The following ICA1 variants were observed in gnomAD, a reference collection of about 807,000 sequenced individuals.
The protein encoded by ICA1 is 69 kDa islet cell autoantigen.
ICA1 carries 40 observed loss-of-function variants against 71.0 expected under a neutral mutation model. The observed-to-expected ratio is 0.56, with a 90% CI of 0.44 to 0.73. ICA1 has a LOEUF of 0.73. ICA1 is among the 30% of genes least tolerant of loss of function. The pLI is 0.00. For missense variants in ICA1, 578 were observed against 576.5 expected (o/e 1.00, Z -0.03); for synonymous variants, 207 against 209.5 (o/e 0.99, Z 0.10).
intron 8 of ICA1, chr7:8,156,636 T>A (rs1355231323): frequency 2.0e-6 from 1 of 497,216 alleles, no homozygotes; most frequent in African/African-American, 2.0e-5. Context: ...AATTCAATTT[T>A]ATGTTGGATA....
rs534964144 is a variant in ICA1, at chr7:8,119,117, G to A, written c.1331-5073C>T. Among the ~76,000 whole-genome samples the A allele has an allele frequency of 2.0e-5, 3 of 152,224 alleles. No individual in the cohort carries two copies. The South Asian group carries it at 6.2e-4, about 32-fold the overall frequency. On this transcript the variant is annotated intron_variant, in intron 13 of 13. Coordinates refer to ENST00000402384, the MANE Select transcript of ICA1 (RefSeq NM_001136020.3). Reference sequence around the variant, plus strand: ...GAGAGGTTCTCCTAAGAATCAGAGGGGCCCACTTCAGGACCCCACACTCCC... The same window carrying A: ...GAGAGGTTCTCCTAAGAATCAGAGGAGCCCACTTCAGGACCCCACACTCCC...
chr7:8,197,195 G>A (rs958050271), intron 6 of ICA1, among the ~76,000 whole-genome samples: 2 of 151,706 alleles, frequency 1.3e-5, no homozygotes, highest in East Asian at 1.9e-4. Flanking sequence ...TGGTAAAGAT[G>A]AGAAAAGATA....
At chr7:8,244,672 T>C (rs190923885) in intron 1 of ICA1, among the ~76,000 whole-genome samples, 1 of 152,266 alleles carries the variant, frequency 6.6e-6, no homozygotes, top group African/African-American at 2.4e-5. Context: ...GATAAAGGGA[T>C]AATATCCAGA....
At chr7:8,126,527 T>C (rs1712362872) in intron 13 of ICA1, among the ~76,000 whole-genome samples, 1 of 152,022 alleles carries the variant, frequency 6.6e-6, no homozygotes, top group African/African-American at 2.4e-5. Flanking sequence ...AAAGGAGTCA[T>C]GTATTTCATT....
At chr7:8,237,384 TTCTTC>T (rs1802184342) in intron 1 of ICA1, among the ~76,000 whole-genome samples, 1 of 152,186 alleles carries the variant, frequency 6.6e-6, no homozygotes, top group African/African-American at 2.4e-5. Flanking sequence ...AATTATCATA[TTCTTC>T]TCTTGAGTTC....
intron 13 of ICA1, among the ~76,000 whole-genome samples, chr7:8,124,370 C>T (rs185142243): frequency 0.012 from 1,831 of 151,530 alleles, 34 homozygotes; most frequent in African/African-American, 0.04. Context: ...CCGCCCACCT[C>T]GGCCTCCCAA....
At chr7:8,210,665 A>T (rs1793416318) in intron 6 of ICA1, among the ~76,000 whole-genome samples, 1 of 151,740 alleles carries the variant, frequency 6.6e-6, no homozygotes, top group South Asian at 2.1e-4. Flanking sequence ...AAAATCCCTG[A>T]ACACAAAGGT....
At chr7:8,141,193 T>C (rs1795111265) in intron 10 of ICA1, among the ~76,000 whole-genome samples, 1 of 152,222 alleles carries the variant, frequency 6.6e-6, no homozygotes, top group African/African-American at 2.4e-5. Context: ...AAATAGCTGA[T>C]GAGCCTGCAC....
chr7:8,241,643 C>T (rs1479387293), intron 1 of ICA1, among the ~76,000 whole-genome samples: 1 of 152,118 alleles, frequency 6.6e-6, no homozygotes, highest in Non-Finnish European at 1.5e-5. Context: ...AGTCAAGACC[C>T]ATCAGTGTGC....
At chr7:8,196,157 T>C (rs1346056292) in intron 6 of ICA1, among the ~76,000 whole-genome samples, 1 of 152,090 alleles carries the variant, frequency 6.6e-6, no homozygotes. Context: ...ATCCAGACAA[T>C]GAAATATTAT....
At chr7:8,207,339 C>T (rs1203004678) in intron 6 of ICA1, among the ~76,000 whole-genome samples, 1 of 152,162 alleles carries the variant, frequency 6.6e-6, no homozygotes, top group Non-Finnish European at 1.5e-5. Flanking sequence ...TACCAACAGG[C>T]TCTTAGGGTC....
intron 13 of ICA1, among the ~76,000 whole-genome samples, chr7:8,125,678 C>G (rs1788899780): frequency 6.6e-6 from 1 of 152,202 alleles, no homozygotes; most frequent in Non-Finnish European, 1.5e-5. Flanking sequence ...CAGCAGACAG[C>G]CTTGTCTGTT....
chr7:8,124,934 G>A (rs924562801), intron 13 of ICA1, among the ~76,000 whole-genome samples: 12 of 151,964 alleles, frequency 7.9e-5, no homozygotes, highest in African/African-American at 2.2e-4. Flanking sequence ...ACCTACAGGT[G>A]CACACCACCA....
At chr7:8,239,810 G>T (rs6977833) in intron 1 of ICA1, among the ~76,000 whole-genome samples, 2,942 of 152,338 alleles carry the variant, frequency 0.019, 93 homozygotes, top group African/African-American at 0.067. Flanking sequence ...ACAGCAGTCT[G>T]AGATAGAACT....
chr7:8,196,108 A>G (rs1332561697), intron 6 of ICA1, among the ~76,000 whole-genome samples: 1 of 152,252 alleles, frequency 6.6e-6, no homozygotes, highest in African/African-American at 2.4e-5. Flanking sequence ...GGAAGCAACC[A>G]AGCTGTCCTT....
At chr7:8,114,267 T>C (rs746777559) in intron 13 of ICA1, 2 of 550,108 alleles carry the variant, frequency 3.6e-6, no homozygotes, top group Non-Finnish European at 6.5e-6. Flanking sequence ...AACAAGCTCT[T>C]GTGTTAACAA....
chr7:8,252,133 C>T (rs1808410248), intron 1 of ICA1, among the ~76,000 whole-genome samples: 1 of 152,096 alleles, frequency 6.6e-6, no homozygotes, highest in Admixed American at 6.5e-5. Context: ...TTATATTCAC[C>T]TTTGATTTTA....
chr7:8,252,236 A>T (rs955990620), intron 1 of ICA1, among the ~76,000 whole-genome samples: 1 of 152,218 alleles, frequency 6.6e-6, no homozygotes, highest in Non-Finnish European at 1.5e-5. Flanking sequence ...CTAAAAGCTT[A>T]ATTTCAAAAG....
At chr7:8,227,776 G>C in intron 4 of ICA1, 2 of 418,504 alleles carry the variant, frequency 4.8e-6, no homozygotes, top group Non-Finnish European at 9.6e-6. Context: ...GTAGAGATGG[G>C]GGTCTCACTT....
Sources: gnomAD v4.1 joint callset for allele counts (sites outside exome capture counted in the v4.1 genomes callset) on GRCh38, gnomAD v4.1.1 for gene constraint, MANE v1.5 for transcripts, NCBI Gene and HGNC (gene_info 2026-07-23, HGNC 2026-07-21) for gene names.